Variants in CMIP observed in about 807,000 individuals in gnomAD.
CMIP encodes the protein C-Maf-inducing protein.
A neutral mutation model predicts 97.3 loss-of-function variants in CMIP; 13 were observed. That is an observed-to-expected ratio of 0.13 (90% confidence interval 0.09 to 0.21). The LOEUF (loss-of-function observed/expected upper bound fraction) is 0.21. Ranked by LOEUF, CMIP falls within the 10% of genes least tolerant of loss-of-function variation. The probability of loss-of-function intolerance (pLI) is 1.00; values close to 1 mark genes in which losing one functional copy is unlikely to be tolerated. For synonymous variants in CMIP, 538 were observed against 436.3 expected, an observed-to-expected ratio of 1.23 and a Z score of -2.91; for missense variants, 847 against 1,024.9, an observed-to-expected ratio of 0.83 and a Z score of 2.37.
At chr16:81,506,981 A>G (rs532976147) in intron 1 of CMIP, among the ~76,000 whole-genome samples, 2 of 151,618 alleles carry the variant, frequency 1.3e-5, no homozygotes, top group East Asian at 2.0e-4. Context: ...GGCCGGGCAC[A>G]GTGGCTCACG....
At chr16:81,478,752 G>T (rs780283889) in intron 1 of CMIP, among the ~76,000 whole-genome samples, 1 of 152,172 alleles carries the variant, frequency 6.6e-6, no homozygotes, top group East Asian at 1.9e-4. Context: ...AGGTGTGGAC[G>T]TTGAGGGCCA....
intron 4 of CMIP, among the ~76,000 whole-genome samples, chr16:81,654,756 C>T (rs993947925): frequency 5.9e-5 from 9 of 152,214 alleles, no homozygotes; most frequent in African/African-American, 2.2e-4. Context: ...CAGGGCCAGT[C>T]AGATTAAGTG....
chr16:81,490,617 C>T (rs929498572), intron 1 of CMIP, among the ~76,000 whole-genome samples: 1 of 152,120 alleles, frequency 6.6e-6, no homozygotes, highest in African/African-American at 2.4e-5. Context: ...GAGACTGTCT[C>T]AAAAACGAAA....
chr16:81,603,611 C>T (rs941768081), intron 1 of CMIP, among the ~76,000 whole-genome samples: 3 of 152,130 alleles, frequency 2.0e-5, no homozygotes, highest in African/African-American at 4.8e-5. Context: ...CTTTTTCTGT[C>T]CCGGGATCCC....
At chr16:81,509,590 A>T (rs2089773331) in intron 1 of CMIP, among the ~76,000 whole-genome samples, 1 of 151,334 alleles carries the variant, frequency 6.6e-6, no homozygotes, top group Non-Finnish European at 1.5e-5. Context: ...CCTTCCGCCC[A>T]CTCTGTCCGC....
chr16:81,489,345 A>G (rs1297732444), intron 1 of CMIP, among the ~76,000 whole-genome samples: 1 of 152,156 alleles, frequency 6.6e-6, no homozygotes. Context: ...TTCCCCACAG[A>G]GGGGGACTTT....
chr16:81,659,019 G>C (rs59213495), intron 5 of CMIP, among the ~76,000 whole-genome samples: 1,584 of 152,330 alleles, frequency 0.01, 34 homozygotes, highest in African/African-American at 0.036. Flanking sequence ...TGTCTGGCAC[G>C]TAGTGGGCTC....
chr16:81,662,098 C>T (rs890412574), intron 6 of CMIP, among the ~76,000 whole-genome samples: 3 of 152,150 alleles, frequency 2.0e-5, no homozygotes, highest in African/African-American at 4.8e-5. Context: ...ATCATGCCCC[C>T]AGAAGAGTGG....
At chr16:81,493,186 A>G (rs1280019923) in intron 1 of CMIP, among the ~76,000 whole-genome samples, 3 of 152,218 alleles carry the variant, frequency 2.0e-5, no homozygotes, top group Admixed American at 6.5e-5. Flanking sequence ...GCACACAGAC[A>G]CTTCAGGGGT....
rs79184907 is a variant in CMIP, at chr16:81,659,701, A to G, written c.682-1183A>G. 6.2e-3 allele frequency among the ~76,000 whole-genome samples: 945 copies of G among 152,266 alleles called. 12 individuals carry two copies. Among genetic ancestry groups the G allele is most frequent in the African/African-American group, 0.021 (859 of 41,560 alleles). ...GGCTTGCATTCAGGACAAGCCTGGG[A>G]AAGAAATTTTGATCTGAGAAATCCA... is the stretch of plus-strand genomic sequence containing the variant. On this transcript the variant is annotated intron_variant, in intron 5 of 20. Transcript: ENST00000537098.
intron 1 of CMIP, among the ~76,000 whole-genome samples, chr16:81,480,468 A>G (rs955205958): frequency 1.3e-5 from 2 of 152,184 alleles, no homozygotes; most frequent in Non-Finnish European, 2.9e-5. Flanking sequence ...TGAACCCGAG[A>G]GGCAGAGGCT....
chr16:81,644,792 T>C (rs2092344870), intron 3 of CMIP, among the ~76,000 whole-genome samples: 1 of 152,182 alleles, frequency 6.6e-6, no homozygotes, highest in Non-Finnish European at 1.5e-5. Context: ...TTGGTAGACC[T>C]TTTAAGAAAA....
At chr16:81,690,263 G>T (rs1293960805) in intron 10 of CMIP, among the ~76,000 whole-genome samples, 3 of 152,140 alleles carry the variant, frequency 2.0e-5, no homozygotes, top group African/African-American at 4.8e-5. Context: ...CCATTTTCAC[G>T]ATATTGATTC....
chr16:81,643,771 G>A (rs376353288), intron 3 of CMIP, among the ~76,000 whole-genome samples: 9 of 152,120 alleles, frequency 5.9e-5, no homozygotes, highest in African/African-American at 1.9e-4. Context: ...GTGACAGAGC[G>A]AGACTCTGTC....
intron 1 of CMIP, among the ~76,000 whole-genome samples, chr16:81,558,171 T>G (rs2090804825): frequency 6.6e-6 from 1 of 152,234 alleles, no homozygotes; most frequent in Non-Finnish European, 1.5e-5. Context: ...TGCTGCACCA[T>G]GCTTCTCCAT....
chr16:81,493,748 C>T (rs546343358), intron 1 of CMIP, among the ~76,000 whole-genome samples: 4 of 152,332 alleles, frequency 2.6e-5, no homozygotes, highest in South Asian at 2.1e-4. Flanking sequence ...CGAAGCAACA[C>T]GCACGTCGCA....
chr16:81,678,764 C>T (rs975366276), intron 10 of CMIP, 136 bp downstream of exon 10: 210 of 601,348 alleles, frequency 3.5e-4, no homozygotes, highest in Non-Finnish European at 5.5e-4. Context: ...TGAGTGCACA[C>T]GAGCTGGTGT....
At chr16:81,699,397 G>A (rs897172781) in intron 14 of CMIP, among the ~76,000 whole-genome samples, 4 of 152,150 alleles carry the variant, frequency 2.6e-5, no homozygotes, top group Non-Finnish European at 5.9e-5. Context: ...GTTAAATCAG[G>A]TACTACTAAA....
intron 3 of CMIP, among the ~76,000 whole-genome samples, chr16:81,623,736 G>C (rs2150963881): frequency 6.6e-6 from 1 of 152,340 alleles, no homozygotes; most frequent in East Asian, 1.9e-4. Context: ...TGGGAAACGT[G>C]AATTTGGATC....
Sources: allele counts gnomAD v4.1 joint callset (sites outside exome capture counted in the v4.1 genomes callset), GRCh38; gene constraint gnomAD v4.1.1; transcripts MANE v1.5; gene names NCBI Gene and HGNC (gene_info 2026-07-23, HGNC 2026-07-21).